ZFP2: variants seen among roughly 807,000 people sequenced by gnomAD.
The protein encoded by ZFP2 is zinc finger protein ZFP2.
In ZFP2, 33 loss-of-function variants were observed where a neutral mutation model predicts 36.1. The ratio of observed to expected loss-of-function variants is 0.92; its 90% CI spans 0.69 to 1.22. The LOEUF is 1.22. Ranked by LOEUF, ZFP2 falls within the 50% of genes most tolerant of loss-of-function variation. The pLI is 0.00. For synonymous variants in ZFP2, 170 were observed against 178.0 expected (o/e 0.96, Z 0.36); for missense variants, 522 against 551.4 (o/e 0.95, Z 0.53).
At chr5:178,897,556 T>C (rs536301630) in intron 1 of ZFP2, among the ~76,000 whole-genome samples, 2 of 152,328 alleles carry the variant, frequency 1.3e-5, no homozygotes, top group East Asian at 1.9e-4. Flanking sequence ...TTTTTATTTT[T>C]TTCCAAATGG....
intron 4 of ZFP2, among the ~76,000 whole-genome samples, chr5:178,925,715 G>A (rs543333917): frequency 6.7e-6 from 1 of 149,564 alleles, no homozygotes; most frequent in South Asian, 2.1e-4. Context: ...GCTTATTCAA[G>A]TCTTTTGCCC....
At chr5:178,927,673 G>A (rs920946369) in intron 4 of ZFP2, among the ~76,000 whole-genome samples, 1 of 83,246 alleles carries the variant, frequency 1.2e-5, no homozygotes, top group East Asian at 4.1e-4. Context: ...ATGTGTGTGT[G>A]TGTGTGTGTG....
chr5:178,922,450 T>C lies in ZFP2; in HGVS notation c.-78+5740T>C. The C allele has an allele frequency of 2.9e-6, 4 of 1,381,778 alleles. 1 individual carries two copies. Among genetic ancestry groups the C allele is most frequent in the Non-Finnish European group, 4.1e-6 (4 of 970,428 alleles). The allele number at this position is 1,381,778 out of a possible 1,614,324, so 85.6% of individuals were successfully genotyped here. A position where few individuals can be genotyped will look rare whatever the true frequency, so the allele number is the denominator to read the frequency against. The stretch of plus-strand genomic sequence containing the variant: ...CTTTTACTATTGTGCCTTACTTATG[T>C]TTGTTAGGACCAAACCTCAAAGCAT... On this transcript the variant is annotated intron_variant, in intron 4 of 4. Coordinates refer to ENST00000361362, the MANE Select transcript of ZFP2 (RefSeq NM_030613.4).
chr5:178,932,320 G>A lies in ZFP2; in HGVS notation c.1007G>A (p.Ser336Asn), dbSNP rs1184664235. 6.2e-7 allele frequency: 1 copy of A among 1,614,122 alleles called. No homozygotes were observed. The highest frequency in any genetic ancestry group is 8.5e-7 in the Non-Finnish European group (1 of 1,180,018). The change falls in exon 5 of 5, where the codon AGT becomes AAT. Residue 336 changes from serine to asparagine, a missense_variant. Coordinates refer to ENST00000361362, the MANE Select transcript of ZFP2 (RefSeq NM_030613.4). ...TGTAACGAGTGTGGAAAAGCTTTCAGTAAGAATTCATCTCTAACTCAACAT... is the reference window on the plus strand; with the variant it reads ...TGTAACGAGTGTGGAAAAGCTTTCAATAAGAATTCATCTCTAACTCAACAT... ...FECNECGKAF[S>N]KNSSLTQHRR...
chr5:178,903,401 G>C (rs554392575), intron 1 of ZFP2, among the ~76,000 whole-genome samples: 196 of 152,242 alleles, frequency 1.3e-3, no homozygotes, highest in African/African-American at 3.0e-3. Flanking sequence ...AAGGCAATGA[G>C]AGAGAATTCC....
intron 4 of ZFP2, 55 bp from the exon 5 acceptor site, chr5:178,931,182 T>C: frequency 2.1e-6 from 3 of 1,456,732 alleles, no homozygotes; most frequent in Non-Finnish European, 2.7e-6. Context: ...CTTATGCAGT[T>C]TCCAGTCTCC....
At chr5:178,897,378 A>G (rs918454080) in intron 1 of ZFP2, among the ~76,000 whole-genome samples, 4 of 152,224 alleles carry the variant, frequency 2.6e-5, no homozygotes, top group African/African-American at 9.6e-5. Context: ...TATCTGATAC[A>G]TAAGCATGTT....
intron 4 of ZFP2, chr5:178,922,447 A>C: frequency 7.2e-7 from 1 of 1,380,914 alleles, no homozygotes; most frequent in African/African-American, 1.4e-5. Flanking sequence ...TGCCTTACTT[A>C]TGTTTGTTAG....
At chr5:178,896,608 TTTTC>T (rs1274999055) in intron 1 of ZFP2, among the ~76,000 whole-genome samples, 1 of 152,190 alleles carries the variant, frequency 6.6e-6, no homozygotes, top group Non-Finnish European at 1.5e-5. Flanking sequence ...TCGGGGAATC[TTTTC>T]TTTTTTTCCT....
At chr5:178,926,348 T>C (rs1035793807) in intron 4 of ZFP2, among the ~76,000 whole-genome samples, 1 of 152,200 alleles carries the variant, frequency 6.6e-6, no homozygotes, top group Non-Finnish European at 1.5e-5. Flanking sequence ...ATAGAAGCAG[T>C]TCTGTCTGGA....
chr5:178,928,523 G>A (rs1346919982), intron 4 of ZFP2, among the ~76,000 whole-genome samples: 1 of 152,230 alleles, frequency 6.6e-6, no homozygotes, highest in Non-Finnish European at 1.5e-5. Context: ...CATCAGGGCA[G>A]TCATTAAATC....
At chr5:178,910,189 T>C in intron 1 of ZFP2, 1 of 1,561,812 alleles carries the variant, frequency 6.4e-7, no homozygotes, top group Non-Finnish European at 8.8e-7. Context: ...AAAATCTTTC[T>C]GGTGAATTTG....
rs190149185 is a variant in ZFP2 at position 178,923,462 on chromosome 5, C to T, written c.-78+6752C>T. ...AGGTTCATCCTTGAAGTGGATTCAG[C>T]ATGTCACTGCCAGTCTTTTTATACC... On this transcript the variant is annotated intron_variant, in intron 4 of 4. Coordinates refer to ENST00000361362, the MANE Select transcript of ZFP2 (RefSeq NM_030613.4). Among the ~76,000 whole-genome samples the T allele has an allele frequency of 9.4e-4, 141 of 149,910 alleles. 13 individuals are homozygous for T. Among genetic ancestry groups the T allele is most frequent in the Non-Finnish European group, 1.5e-3 (97 of 66,692 alleles).
chr5:178,896,498 C>G (rs1347885866), intron 1 of ZFP2, among the ~76,000 whole-genome samples: 4 of 152,194 alleles, frequency 2.6e-5, no homozygotes, highest in Non-Finnish European at 4.4e-5. Flanking sequence ...AACCGGGTCT[C>G]CGGACCCGCC....
At chr5:178,907,663 C>T (rs763355263) in intron 1 of ZFP2, among the ~76,000 whole-genome samples, 98 of 151,998 alleles carry the variant, frequency 6.4e-4, no homozygotes, top group Non-Finnish European at 9.6e-4. Flanking sequence ...GAGCTGCATA[C>T]CACAGTTTTC....
chr5:178,910,724 G>A (rs555845157), intron 1 of ZFP2: 1 of 259,772 alleles, frequency 3.8e-6, no homozygotes, highest in Non-Finnish European at 7.6e-6. Context: ...TGCTCCAGAG[G>A]TTCCTCCAGT....
intron 1 of ZFP2, chr5:178,910,284 T>C (rs1333513158): frequency 7.4e-7 from 1 of 1,359,784 alleles, no homozygotes; most frequent in East Asian, 2.3e-5. Context: ...GCAAAAGTGC[T>C]CCATGCCTTC....
At position 178,907,861 on chromosome 5, in the gene ZFP2, GCATTCAATGCTT is replaced by G. The variant is rs1165516090; in HGVS notation, c.-449-4722_-449-4711del. 6.6e-5 allele frequency among the ~76,000 whole-genome samples: 10 copies of G among 152,320 alleles called. No homozygotes were observed. In the East Asian group the frequency reaches 1.9e-3, roughly 29 times the overall value. On this transcript the variant is annotated intron_variant, in intron 1 of 4. Transcript: ENST00000361362. ...AAACTGAGGTAGCACTGCTTTCTCT[GCATTCAATGCTT>G]AAGTGGTTCTCAGTACAACGTGTTC... is the stretch of plus-strand genomic sequence containing the variant.
rs1561686987 is a variant in ZFP2 at position 178,931,988 on chromosome 5, A to C, written c.675A>C (p.Gln225His). Residue 225 changes from glutamine to histidine, a missense_variant, in exon 5 of 5, where the codon CAA becomes CAC. Transcript: ENST00000361362. ...KCNECGKAFT[Q>H]SMNLTVHQRT... ...ATGAATGTGGTAAAGCTTTTACCCA[A>C]AGCATGAATTTGACAGTTCATCAGA... is the stretch of plus-strand genomic sequence containing the variant. 1 of 1,613,848 alleles carries C rather than the reference A, an allele frequency of 6.2e-7. No individual in the cohort carries two copies. Among genetic ancestry groups the C allele is most frequent in the Non-Finnish European group, 8.5e-7 (1 of 1,179,874 alleles).
Sources: gnomAD v4.1 joint callset for allele counts (sites outside exome capture counted in the v4.1 genomes callset) on GRCh38, gnomAD v4.1.1 for gene constraint, MANE v1.5 for transcripts, NCBI Gene and HGNC (gene_info 2026-07-23, HGNC 2026-07-21) for gene names.